Variants in RGS7 observed in about 807,000 individuals in gnomAD.
RGS7 encodes the protein regulator of G protein signaling 7.
In RGS7, 27 loss-of-function variants were observed where a neutral mutation model predicts 81.1. The observed-to-expected ratio is 0.33, with a 90% CI of 0.25 to 0.46. RGS7 has a LOEUF of 0.46. Ranked by LOEUF, RGS7 falls within the 20% of genes least tolerant of loss-of-function variation. RGS7 has a pLI of 1.00. For synonymous variants in RGS7, 208 were observed against 207.7 expected (o/e 1.00, Z -0.01); for missense variants, 396 against 607.4 (o/e 0.65, Z 3.66).
intron 3 of RGS7, chr1:240,998,679 A>T: frequency 8.7e-7 from 1 of 1,150,636 alleles, no homozygotes; most frequent in South Asian, 1.2e-5. Context: ...AAAGGGTTCA[A>T]CATTTACACC....
intron 2 of RGS7, among the ~76,000 whole-genome samples, chr1:241,121,020 A>C (rs1377723254): frequency 6.6e-6 from 1 of 152,190 alleles, no homozygotes; most frequent in Non-Finnish European, 1.5e-5. Flanking sequence ...CTAACAGGTT[A>C]TCTCTCCATG....
chr1:241,323,338 G>A (rs1227742835), intron 2 of RGS7, among the ~76,000 whole-genome samples: 1 of 152,228 alleles, frequency 6.6e-6, no homozygotes, highest in Non-Finnish European at 1.5e-5. Context: ...GCAAGATACA[G>A]TCTACTTCCT....
intron 3 of RGS7, among the ~76,000 whole-genome samples, chr1:241,077,501 C>T (rs1430476276): frequency 6.6e-6 from 1 of 152,138 alleles, no homozygotes; most frequent in African/African-American, 2.4e-5. Context: ...TCTCTTTGTT[C>T]CTCTCTCTGC....
chr1:241,049,134 C>A (rs2061111495), intron 3 of RGS7, among the ~76,000 whole-genome samples: 1 of 152,172 alleles, frequency 6.6e-6, no homozygotes, highest in African/African-American at 2.4e-5. Context: ...CAAGCAAGGC[C>A]ACACTCACAA....
In RGS7 at chr1:241,097,477, C is replaced by T. The variant is rs1344040239; in HGVS notation, c.175+1189G>A. On this transcript the variant is annotated intron_variant, in intron 3 of 18. Transcript: ENST00000440928. ...AGGCCGCTTCCCTATTATTCCTGTC[C>T]TGATCTCTACCCTCTTCCTAGGCTT... is the stretch of plus-strand genomic sequence containing the variant. Among the ~76,000 whole-genome samples the T allele has an allele frequency of 2.0e-5, 3 of 152,248 alleles. No individual in the cohort carries two copies. The East Asian group carries it at 5.8e-4, about 30-fold the overall frequency.
intron 14 of RGS7, among the ~76,000 whole-genome samples, chr1:240,811,669 C>T (rs1572200004): frequency 6.6e-6 from 1 of 152,284 alleles, no homozygotes; most frequent in East Asian, 1.9e-4. Flanking sequence ...ATTTCAAAGC[C>T]ACCAAATTTG....
chr1:240,980,489 C>A (rs1005081117), intron 4 of RGS7, among the ~76,000 whole-genome samples: 3 of 152,132 alleles, frequency 2.0e-5, no homozygotes, highest in Non-Finnish European at 4.4e-5. Flanking sequence ...GCATGGGTTT[C>A]TTTCTTATTT....
chr1:240,818,059 G>A (rs1691138713), intron 10 of RGS7, among the ~76,000 whole-genome samples: 2 of 152,098 alleles, frequency 1.3e-5, no homozygotes, highest in Non-Finnish European at 2.9e-5. Context: ...CATCACTGAG[G>A]ATATCCATTT....
intron 2 of RGS7, among the ~76,000 whole-genome samples, chr1:241,118,376 T>A (rs2066015996): frequency 6.6e-6 from 1 of 152,220 alleles, no homozygotes; most frequent in Non-Finnish European, 1.5e-5. Flanking sequence ...CTGTCTAACC[T>A]CATAGTTTTA....
intron 3 of RGS7, among the ~76,000 whole-genome samples, chr1:241,036,010 C>T (rs571849013): frequency 6.6e-6 from 1 of 152,144 alleles, no homozygotes; most frequent in African/African-American, 2.4e-5. Context: ...ACAGATTATG[C>T]CTGATTCCAC....
chr1:240,829,040 G>A (rs1283980350), intron 9 of RGS7, among the ~76,000 whole-genome samples: 1 of 152,136 alleles, frequency 6.6e-6, no homozygotes, highest in East Asian at 1.9e-4. Flanking sequence ...GTGTAATGAG[G>A]ACAGAGGACA....
intron 2 of RGS7, among the ~76,000 whole-genome samples, chr1:241,151,304 G>A (rs1412956741): frequency 6.6e-6 from 1 of 152,146 alleles, no homozygotes; most frequent in Non-Finnish European, 1.5e-5. Flanking sequence ...TTCTGATTGT[G>A]GCCTGAAGAG....
intron 3 of RGS7, among the ~76,000 whole-genome samples, chr1:241,027,543 C>A (rs982256410): frequency 6.6e-6 from 1 of 152,016 alleles, no homozygotes; most frequent in African/African-American, 2.4e-5. Context: ...TATATGTACT[C>A]CAGGGGAAAG....
chr1:241,165,585 A>T (rs567824733), intron 2 of RGS7, among the ~76,000 whole-genome samples: 36 of 142,424 alleles, frequency 2.5e-4, no homozygotes, highest in African/African-American at 8.2e-4. Context: ...AACAATGAGA[A>T]CACATGGACA....
chr1:241,247,290 C>T, intron 2 of RGS7, among the ~76,000 whole-genome samples: 1 of 152,152 alleles, frequency 6.6e-6, no homozygotes, highest in East Asian at 1.9e-4. Context: ...TCTACTTCCT[C>T]ATTTACACAT....
chr1:241,103,413 T>C (rs2064900609), intron 2 of RGS7, among the ~76,000 whole-genome samples: 1 of 152,184 alleles, frequency 6.6e-6, no homozygotes, highest in Non-Finnish European at 1.5e-5. Context: ...GAAGGCTATT[T>C]TCTTTACTCT....
At chr1:241,327,316 T>C (rs559034736) in intron 2 of RGS7, among the ~76,000 whole-genome samples, 12 of 152,170 alleles carry the variant, frequency 7.9e-5, no homozygotes, top group African/African-American at 2.9e-4. Context: ...ATAGGAAATA[T>C]AGCACCTGAA....
At chr1:241,079,276 C>G (rs1474638557) in intron 3 of RGS7, among the ~76,000 whole-genome samples, 2 of 152,116 alleles carry the variant, frequency 1.3e-5, no homozygotes, top group Admixed American at 6.5e-5. Context: ...CATCAGCTGT[C>G]CTATGAGAAG....
intron 6 of RGS7, among the ~76,000 whole-genome samples, chr1:240,887,508 G>T (rs552154289): frequency 3.5e-4 from 53 of 152,222 alleles, no homozygotes; most frequent in African/African-American, 1.2e-3. Flanking sequence ...GATTACAGGC[G>T]TGAGAGTATA....
Sources: allele counts gnomAD v4.1 joint callset (sites outside exome capture counted in the v4.1 genomes callset), GRCh38; gene constraint gnomAD v4.1.1; transcripts MANE v1.5; gene names NCBI Gene and HGNC (gene_info 2026-07-23, HGNC 2026-07-21).